Variants in DNAH17 observed in about 807,000 individuals in gnomAD.
DNAH17 encodes dynein axonemal heavy chain 17.
Under a neutral mutation model 485.6 loss-of-function variants are expected in DNAH17, and 376 were observed. That is an observed-to-expected ratio of 0.77 (90% CI 0.71 to 0.84). The LOEUF is 0.84. Among genes scored for constraint, DNAH17 ranks in the 40% least tolerant of loss-of-function variants. DNAH17 has a pLI of 0.00. For missense variants in DNAH17, 6,370 were observed against 5,839.3 expected (o/e 1.09, Z -2.96); for synonymous variants, 3,031 against 2,405.9 (o/e 1.26, Z -7.60).
chr17:78,529,676 G>C lies in DNAH17; in HGVS notation c.3303C>G (p.Ala1101=). ...AGCCCATTCTGGCGACTTTCATGAAGGCTTCCAGGTCAGCCAGGCTAAGGG... is the reference window on the plus strand; with the variant it reads ...AGCCCATTCTGGCGACTTTCATGAACGCTTCCAGGTCAGCCAGGCTAAGGG... ...HVTNSLADLE[A]FMKVARMGLT... Residue 1101 remains alanine (A), a synonymous_variant, in exon 22 of 81, where the codon GCC becomes GCG. Transcript: ENST00000389840. 4 of 1,613,964 alleles carry C rather than the reference G, an allele frequency of 2.5e-6. No individual in the cohort carries two copies. The highest frequency in any genetic ancestry group is 3.4e-6 in the Non-Finnish European group (4 of 1,179,876).
Position 78,494,579 on chromosome 17 carries a change from C to T in DNAH17, c.6270+14G>A. Reference sequence around the variant, plus strand: ...AGGCTTCTCCGGACAGACCTGAGACCCAGGAGTCCCGACCTTTTCAAAATT... The same window carrying T: ...AGGCTTCTCCGGACAGACCTGAGACTCAGGAGTCCCGACCTTTTCAAAATT... On this transcript the variant is annotated intron_variant, in intron 40 of 80. Transcript: ENST00000389840. The T allele has an allele frequency of 1.2e-6, 2 of 1,612,860 alleles. No individual in the cohort carries two copies. Among genetic ancestry groups the T allele is most frequent in the South Asian group, 1.1e-5 (1 of 91,024 alleles).
At chr17:78,485,784 A>AAGGG in intron 46 of DNAH17, 27 bp from the exon 47 acceptor site, 2 of 1,608,344 alleles carry the variant, frequency 1.2e-6, no homozygotes, top group African/African-American at 2.7e-5. Context: ...AAGGGGAGGG[A>AAGGG]GCTGTGATTC....
At chr17:78,454,369 T>C in intron 64 of DNAH17, 101 bp downstream of exon 64, 3 of 863,408 alleles carry the variant, frequency 3.5e-6, no homozygotes, top group South Asian at 1.7e-5. Context: ...GGCTAGTACT[T>C]GTATTGAAAG....
chr17:78,570,027 C>T (rs372982896), intron 7 of DNAH17, among the ~76,000 whole-genome samples: 1 of 152,322 alleles, frequency 6.6e-6, no homozygotes, highest in African/African-American at 2.4e-5. Flanking sequence ...CCTCCTCTGT[C>T]CCCGTCTTCC....
At chr17:78,489,180 G>C (rs886549488) in intron 44 of DNAH17, among the ~76,000 whole-genome samples, 1 of 152,186 alleles carries the variant, frequency 6.6e-6, no homozygotes, top group African/African-American at 2.4e-5. Context: ...TGGCCACACT[G>C]TGCTGCCTGC....
chr17:78,464,646 C>A (rs1020794014), intron 56 of DNAH17, among the ~76,000 whole-genome samples: 2 of 152,326 alleles, frequency 1.3e-5, no homozygotes, highest in Non-Finnish European at 1.5e-5. Context: ...ATGGTGTGTG[C>A]CCTTGTGTAT....
chr17:78,463,347 T>C (rs554111098), intron 56 of DNAH17, among the ~76,000 whole-genome samples: 1 of 152,198 alleles, frequency 6.6e-6, no homozygotes, highest in Non-Finnish European at 1.5e-5. Context: ...TGCACACACA[T>C]GCATACACAC....
chr17:78,462,942 G>A lies in DNAH17; in HGVS notation c.9076C>T (p.Leu3026=), dbSNP rs1015598056. The change falls in exon 57 of 81, where the codon CTG becomes TTG. Residue 3026 remains leucine, a synonymous_variant. Transcript: ENST00000389840. ...TTCTTGGCCAGCAGGTTCTGGTACA[G>A]TTTGATCTGCTCCAGAAAGGTTTTG... ...TPKTFLEQIK[L]YQNLLAKKRT... 3 of 1,614,026 alleles carry A rather than the reference G, an allele frequency of 1.9e-6. No individual in the cohort carries two copies. The highest frequency in any genetic ancestry group is 3.3e-5 in the Admixed American group (2 of 60,026).
chr17:78,484,938 G>A lies in DNAH17; in HGVS notation c.7579C>T (p.Pro2527Ser), dbSNP rs765818341. The change falls in exon 48 of 81, where the codon CCC (proline) becomes TCC (serine). Residue 2527 changes from proline to serine, a missense_variant. Pro to Ser is a moderately conservative substitution (Grantham distance 74, BLOSUM62 -1). Coordinates refer to ENST00000389840, the MANE Select transcript of DNAH17 (RefSeq NM_173628.4). ...LVYFIDDMNMPEVDKYGTVAP... is the reference protein window; with the variant it reads ...LVYFIDDMNMSEVDKYGTVAP... ...ACCGTCCCATACTTGTCCACCTCGG[G>A]CATGTTCATGTCGTCGATGAAGTAG... 6.2e-7 allele frequency: 1 copy of A among 1,610,056 alleles called. No individual in the cohort carries two copies. The highest frequency in any genetic ancestry group is 8.5e-7 in the Non-Finnish European group (1 of 1,178,082).
intron 51 of DNAH17, 127 bp downstream of exon 51, chr17:78,478,889 TATTATCATC>T (rs2089226451): frequency 2.8e-6 from 2 of 703,736 alleles, no homozygotes; most frequent in Non-Finnish European, 4.8e-6. Flanking sequence ...TCACCACCAT[TATTATCATC>T]ATTATCATTA....
chr17:78,554,436 C>CAAAAAAAAAAAAAAAAAAAAAA (rs55701739), intron 14 of DNAH17, among the ~76,000 whole-genome samples: 2 of 32,238 alleles, frequency 6.2e-5, no homozygotes, highest in African/African-American at 1.1e-4. Context: ...GACTCTGTCT[C>CAAAAAAAAAAAAAAAAAAAAAA]AAAAAAAAAA....
At chr17:78,531,333 CTGTCT>C (rs1450108578) in intron 20 of DNAH17, among the ~76,000 whole-genome samples, 1 of 144,690 alleles carries the variant, frequency 6.9e-6, no homozygotes, top group African/African-American at 2.6e-5. Context: ...GACATAAAGT[CTGTCT>C]TTTTTTTTTT....
At position 78,479,590 on chromosome 17, in the gene DNAH17, C is replaced by T. The variant is rs371605697; in HGVS notation, c.7795G>A (p.Ala2599Thr). ...ATTGTGTTGTAGATGGTGGTGAGGG[C>T]CTCCTGGCCGGGGAAGCTCACAGCA... is the stretch of plus-strand genomic sequence containing the variant. ...VFAVSFPGQE[A>T]LTTIYNTILT... is the part of the protein sequence containing the mutation. The change falls in exon 50 of 81, where the codon GCC (alanine) becomes ACC (threonine). Residue 2599 changes from alanine (A) to threonine (T), a missense_variant. Transcript: ENST00000389840. 6.2e-7 allele frequency: 1 copy of T among 1,613,330 alleles called. No homozygotes were observed. The highest frequency in any genetic ancestry group is 1.3e-5 in the African/African-American group (1 of 74,906).
In DNAH17 at chr17:78,459,144, C is replaced by G. The variant is rs750715276; in HGVS notation, c.9718G>C (p.Gly3240Arg). ...ATGTTGATGCACCAGGAGCACAGGCCGGCGGCGGCCGTGGACTTGGAGCGG... is the reference window on the plus strand; with the variant it reads ...ATGTTGATGCACCAGGAGCACAGGCGGGCGGCGGCCGTGGACTTGGAGCGG... ...FIRSKSTAAA[G>R]LCSWCINIVR... is the part of the protein sequence containing the mutation. Residue 3240 changes from glycine (G) to arginine (R), a missense_variant, in exon 61 of 81, where the codon GGC becomes CGC. Transcript: ENST00000389840. The G allele has an allele frequency of 6.2e-7, 1 of 1,613,926 alleles. No individual in the cohort carries two copies. The highest frequency in any genetic ancestry group is 8.5e-7 in the Non-Finnish European group (1 of 1,179,854).
intron 16 of DNAH17, among the ~76,000 whole-genome samples, 166 bp from the exon 17 acceptor site, chr17:78,544,163 G>A (rs1219794407): frequency 1.3e-5 from 2 of 152,212 alleles, no homozygotes; most frequent in African/African-American, 2.4e-5. Context: ...AAGGACCTGT[G>A]CCTAATTGAC....
At chr17:78,549,927 G>C (rs1433187519) in intron 16 of DNAH17, among the ~76,000 whole-genome samples, 4 of 152,172 alleles carry the variant, frequency 2.6e-5, no homozygotes, top group Admixed American at 1.3e-4. Flanking sequence ...GTTCAGTAGA[G>C]GAGAGAGAGA....
rs148818809 is a variant in DNAH17, at chr17:78,573,948, C to A, written c.345+765G>T. Among the ~76,000 whole-genome samples the A allele has an allele frequency of 3.3e-4, 51 of 152,288 alleles. No homozygotes were observed. In the East Asian group the frequency reaches 7.9e-3, roughly 24 times the overall value. ...CCAAAGTGTGTCCCCCCCACCTACA[C>A]AGCACCTGCCAAGGGGGACAGCAGA... is the stretch of plus-strand genomic sequence containing the variant. On this transcript the variant is annotated intron_variant, in intron 2 of 80. Transcript: ENST00000389840.
chr17:78,517,210 A>G (rs1180251917), intron 25 of DNAH17, among the ~76,000 whole-genome samples: 1 of 152,056 alleles, frequency 6.6e-6, no homozygotes, highest in African/African-American at 2.4e-5. Context: ...CACCCAGCTA[A>G]TTTTTATATT....
rs570913564 is a variant in DNAH17 at position 78,454,768 on chromosome 17, G to A, written c.10171-63C>T. On this transcript the variant is annotated intron_variant, in intron 63 of 80. Coordinates refer to ENST00000389840, the MANE Select transcript of DNAH17 (RefSeq NM_173628.4). ...CGACCTTATTACTTACTAGAAAATA[G>A]CTCTCCAAATAATGCTCTGTCTGGT... is the stretch of plus-strand genomic sequence containing the variant. The A allele has an allele frequency of 4.5e-5, 63 of 1,413,500 alleles. No homozygotes were observed. In the African/African-American group the frequency reaches 7.5e-4, roughly 17 times the overall value. 87.6% of individuals were successfully genotyped at this position (1,413,500 alleles called of 1,614,324 possible).
Sources: allele counts gnomAD v4.1 joint callset (sites outside exome capture counted in the v4.1 genomes callset), GRCh38; gene constraint gnomAD v4.1.1; transcripts MANE v1.5; gene names NCBI Gene and HGNC (gene_info 2026-07-23, HGNC 2026-07-21).